ARHGAP32: variants seen among roughly 807,000 people sequenced by gnomAD.
ARHGAP32 encodes the protein Rho GTPase activating protein 32, also known as rho GTPase-activating protein 32.
In ARHGAP32, 51 loss-of-function variants were observed where a neutral mutation model predicts 186.5. The observed-to-expected ratio is 0.27, with a 90% confidence interval of 0.22 to 0.35. ARHGAP32 has a LOEUF of 0.35. Ranked by LOEUF, ARHGAP32 falls within the 10% of genes least tolerant of loss-of-function variation. ARHGAP32 has a pLI of 1.00. For synonymous variants in ARHGAP32, 950 were observed against 964.3 expected, an observed-to-expected ratio of 0.99 and a Z score of 0.27; for missense variants, 2,186 against 2,623.5, an observed-to-expected ratio of 0.83 and a Z score of 3.64.
chr11:129,182,713 A>C (rs1269758247), intron 1 of ARHGAP32, among the ~76,000 whole-genome samples: 1 of 149,902 alleles, frequency 6.7e-6, no homozygotes. Context: ...GTGTAATCGT[A>C]GCTTACTATA....
chr11:129,110,657 C>G (rs752576466), intron 5 of ARHGAP32, among the ~76,000 whole-genome samples: 1 of 152,046 alleles, frequency 6.6e-6, no homozygotes, highest in Non-Finnish European at 1.5e-5. Context: ...CTTTCACCTT[C>G]TTGGTTAAAT....
chr11:128,982,087 G>A (rs1321817202), intron 15 of ARHGAP32, 151 bp from the exon 16 acceptor site: 1 of 503,482 alleles, frequency 2.0e-6, no homozygotes. Flanking sequence ...TGCTTAACAG[G>A]TTGAAATATT....
At chr11:129,220,903 C>G (rs1944702815) in intron 1 of ARHGAP32, among the ~76,000 whole-genome samples, 1 of 152,188 alleles carries the variant, frequency 6.6e-6, no homozygotes, top group African/African-American at 2.4e-5. Flanking sequence ...CTACACATTA[C>G]AATTCCCTAA....
At chr11:129,006,208 T>C (rs1937762828) in intron 11 of ARHGAP32, among the ~76,000 whole-genome samples, 1 of 152,176 alleles carries the variant, frequency 6.6e-6, no homozygotes, top group Non-Finnish European at 1.5e-5. Flanking sequence ...CACACACCTC[T>C]AGGGTTGGTC....
At chr11:129,110,201 G>A (rs1565427063) in intron 5 of ARHGAP32, among the ~76,000 whole-genome samples, 1 of 151,958 alleles carries the variant, frequency 6.6e-6, no homozygotes, top group African/African-American at 2.4e-5. Flanking sequence ...AAGAGGGTGT[G>A]TCCTTTATCA....
chr11:128,992,112 C>T (rs760164308), intron 12 of ARHGAP32, among the ~76,000 whole-genome samples: 3 of 152,114 alleles, frequency 2.0e-5, no homozygotes, highest in Non-Finnish European at 4.4e-5. Context: ...AATATGACTA[C>T]CAAAAGGATT....
chr11:129,202,063 T>C (rs981301575), intron 1 of ARHGAP32, among the ~76,000 whole-genome samples: 1 of 152,042 alleles, frequency 6.6e-6, no homozygotes, highest in Admixed American at 6.6e-5. Context: ...TACATATATA[T>C]ATACAAGTAC....
At chr11:129,070,734 C>T (rs574486540) in intron 6 of ARHGAP32, among the ~76,000 whole-genome samples, 2 of 151,966 alleles carry the variant, frequency 1.3e-5, no homozygotes, top group South Asian at 2.1e-4. Context: ...TAAATACATA[C>T]AAAATTCCTA....
At chr11:129,252,978 T>C (rs759848151) in intron 1 of ARHGAP32, among the ~76,000 whole-genome samples, 4 of 152,158 alleles carry the variant, frequency 2.6e-5, no homozygotes, top group African/African-American at 4.8e-5. Flanking sequence ...TGGAATCAGT[T>C]AGGTTTTGGC....
At chr11:129,242,904 C>T (rs577740062) in intron 1 of ARHGAP32, among the ~76,000 whole-genome samples, 3 of 151,924 alleles carry the variant, frequency 2.0e-5, no homozygotes, top group Non-Finnish European at 2.9e-5. Context: ...AGCTCCCAAA[C>T]CACCTCTACT....
chr11:129,086,478 G>A (rs1941396528), intron 6 of ARHGAP32, among the ~76,000 whole-genome samples: 1 of 152,166 alleles, frequency 6.6e-6, no homozygotes, highest in Non-Finnish European at 1.5e-5. Context: ...AAAAGACAAT[G>A]TCAAGAGAAT....
intron 11 of ARHGAP32, among the ~76,000 whole-genome samples, chr11:129,022,801 T>C (rs1031459782): frequency 6.6e-6 from 1 of 152,182 alleles, no homozygotes; most frequent in Non-Finnish European, 1.5e-5. Flanking sequence ...ACTGAGAACA[T>C]GGCATCACTT....
At chr11:129,179,282 A>T (rs1359369955) in intron 1 of ARHGAP32, among the ~76,000 whole-genome samples, 2 of 152,228 alleles carry the variant, frequency 1.3e-5, no homozygotes, top group Non-Finnish European at 2.9e-5. Context: ...ATCATTAAAA[A>T]GTCAGGAAAC....
intron 1 of ARHGAP32, among the ~76,000 whole-genome samples, chr11:129,187,183 A>G (rs1429412910): frequency 6.6e-6 from 1 of 152,242 alleles, no homozygotes; most frequent in Non-Finnish European, 1.5e-5. Context: ...CTATTCAGTC[A>G]TAAAAAATAA....
At chr11:128,993,782 C>T (rs1339824205) in intron 12 of ARHGAP32, among the ~76,000 whole-genome samples, 2 of 151,246 alleles carry the variant, frequency 1.3e-5, no homozygotes, top group African/African-American at 4.9e-5. Context: ...TCCTGGACCT[C>T]CTGGGCTCAT....
rs548431556 is a variant in ARHGAP32 at position 129,189,018 on chromosome 11, G to A, written c.116+3065C>T. Reference sequence around the variant, plus strand: ...TTTCATGATTCCTAGGTGTCCTAGAGGTCACATTTTTTAAAAGTCACATTA... The same window carrying A: ...TTTCATGATTCCTAGGTGTCCTAGAAGTCACATTTTTTAAAAGTCACATTA... On this transcript the variant is annotated intron_variant, in intron 1 of 22. Coordinates refer to ENST00000682385, the MANE Select transcript of ARHGAP32 (RefSeq NM_001378024.1). Among the ~76,000 whole-genome samples, 6 of 152,160 alleles carry A rather than the reference G, an allele frequency of 3.9e-5. No homozygotes were observed. In the South Asian group the frequency reaches 1.0e-3, roughly 26 times the overall value.
rs1945407521 is a variant in ARHGAP32, at chr11:128,972,492, T to C, written c.4014A>G (p.Val1338=). 4 of 1,529,342 alleles carry C rather than the reference T, an allele frequency of 2.6e-6. No homozygotes were observed. The highest frequency in any genetic ancestry group is 2.6e-6 in the Non-Finnish European group (3 of 1,139,622). The allele number at this position is 1,529,342 out of a possible 1,614,324, so 94.7% of individuals were successfully genotyped here. The part of the protein sequence containing the change: ...SAEQPPVVGQ[V]QAATNIGLNN... ...TTAATCCTATATTGGTTGCTGCTTG[T>C]ACCTGCCCCACAACTGGTGGCTGCT... Residue 1338 remains valine (V), a synonymous_variant, in exon 22 of 23, where the codon GTA becomes GTG. Transcript: ENST00000682385.
chr11:129,273,694 A>G (rs2135731291), intron 1 of ARHGAP32, among the ~76,000 whole-genome samples: 1 of 152,344 alleles, frequency 6.6e-6, no homozygotes, highest in South Asian at 2.1e-4. Flanking sequence ...CTCCAATGAA[A>G]GGAGGAACAG....
At chr11:129,212,664 T>C (rs1350494302) in intron 1 of ARHGAP32, among the ~76,000 whole-genome samples, 2 of 152,300 alleles carry the variant, frequency 1.3e-5, no homozygotes, top group Admixed American at 6.5e-5. Flanking sequence ...TCTAGTACAA[T>C]TGTAATGTTT....
Sources: allele counts gnomAD v4.1 joint callset (sites outside exome capture counted in the v4.1 genomes callset), GRCh38; gene constraint gnomAD v4.1.1; transcripts MANE v1.5; gene names NCBI Gene and HGNC (gene_info 2026-07-23, HGNC 2026-07-21).